The following EPM2A variants were observed in gnomAD, a reference collection of about 807,000 sequenced individuals.
The protein encoded by EPM2A is laforin.
In EPM2A, 21 loss-of-function variants were observed where a neutral mutation model predicts 26.5. The ratio of observed to expected loss-of-function variants is 0.79; its 90% confidence interval spans 0.56 to 1.14. The LOEUF (loss-of-function observed/expected upper bound fraction) is 1.14. EPM2A is among the 50% of genes most tolerant of loss of function. EPM2A has a pLI of 0.00. For missense variants in EPM2A, 458 were observed against 440.8 expected, an observed-to-expected ratio of 1.04 and a Z score of -0.35; for synonymous variants, 217 against 177.6, an observed-to-expected ratio of 1.22 and a Z score of -1.76.
At position 145,685,867 on chromosome 6, in the gene EPM2A, G is replaced by A. The variant is rs1780865341; in HGVS notation, c.476+255C>T. ...ATCCACTACATAAGTACACAGATTGGTTAGCTACTATCTGGTCAAAACATA... is the reference window on the plus strand; with the variant it reads ...ATCCACTACATAAGTACACAGATTGATTAGCTACTATCTGGTCAAAACATA... On this transcript the variant is annotated intron_variant, in intron 2 of 3. Transcript: ENST00000367519. 2.0e-5 allele frequency among the ~76,000 whole-genome samples: 3 copies of A among 152,060 alleles called. No individual in the cohort carries two copies. In the South Asian group the frequency reaches 6.2e-4, roughly 32 times the overall value.
intron 3 of EPM2A, chr6:145,629,134 A>T (rs910513854): frequency 6.6e-6 from 1 of 152,270 alleles, no homozygotes; most frequent in Non-Finnish European, 1.5e-5. Flanking sequence ...TGCTCCACAC[A>T]GCAGTTTAGA....
At chr6:145,643,939 T>C (rs942316089) in intron 2 of EPM2A, among the ~76,000 whole-genome samples, 7 of 152,158 alleles carry the variant, frequency 4.6e-5, no homozygotes, top group African/African-American at 1.7e-4. Context: ...CTGGAGATCA[T>C]GCTAAGATGT....
chr6:145,707,544 T>G (rs980557079), intron 1 of EPM2A, among the ~76,000 whole-genome samples: 2 of 152,134 alleles, frequency 1.3e-5, no homozygotes, highest in East Asian at 1.9e-4. Flanking sequence ...TTTTTCCCTG[T>G]GCTATTTTCG....
At chr6:145,688,231 A>G (rs1781057200) in intron 1 of EPM2A, among the ~76,000 whole-genome samples, 2 of 152,184 alleles carry the variant, frequency 1.3e-5, no homozygotes, top group Non-Finnish European at 2.9e-5. Context: ...TTCAAGAACA[A>G]TCAGATAGAA....
intron 2 of EPM2A, among the ~76,000 whole-genome samples, chr6:145,664,323 C>G (rs959810201): frequency 1.9e-5 from 2 of 104,842 alleles, no homozygotes; most frequent in Non-Finnish European, 3.9e-5. Context: ...GGAAGATCTA[C>G]CAAGCAAATG....
intron 4 of EPM2A, among the ~76,000 whole-genome samples, chr6:145,403,006 A>T (rs1778514159): frequency 1.3e-5 from 2 of 152,176 alleles, no homozygotes; most frequent in African/African-American, 4.8e-5. Context: ...AAACTTCTGT[A>T]ACTTTCCTCA....
rs181839020 is a variant in EPM2A at position 145,615,128 on chromosome 6, T to C, written c.340+20117A>G. ...CATGCAATTTTCAGCAAGCATGATA[T>C]GGTTTAGCTGTGTCCCCACCCAAAT... On this transcript the variant is annotated intron_variant, in intron 2 of 3. Coordinates refer to the EPM2A transcript ENST00000450221. Among the ~76,000 whole-genome samples the C allele has an allele frequency of 1.5e-4, 23 of 152,288 alleles. 1 individual carries two copies. The highest frequency in any genetic ancestry group is 1.5e-3 in the Admixed American group (23 of 15,296).
intron 2 of EPM2A, among the ~76,000 whole-genome samples, chr6:145,650,222 C>A (rs1777784153): frequency 1.3e-5 from 2 of 152,130 alleles, no homozygotes; most frequent in African/African-American, 4.8e-5. Flanking sequence ...TTTCTCCTCT[C>A]ATTTCCCCAA....
At chr6:145,571,772 T>C (rs1055465940) in intron 2 of EPM2A, among the ~76,000 whole-genome samples, 1 of 152,194 alleles carries the variant, frequency 6.6e-6, no homozygotes, top group Non-Finnish European at 1.5e-5. Flanking sequence ...CATGCCACCA[T>C]GGCCACTTTG....
intron 4 of EPM2A, chr6:145,490,071 G>A: frequency 7.7e-7 from 1 of 1,293,930 alleles, no homozygotes; most frequent in Non-Finnish European, 1.1e-6. Context: ...TGGACCTGAA[G>A]CAATGGTAGC....
intron 4 of EPM2A, among the ~76,000 whole-genome samples, chr6:145,437,890 A>C (rs9403700): frequency 2.0e-5 from 3 of 152,134 alleles, no homozygotes; most frequent in Non-Finnish European, 2.9e-5. Flanking sequence ...ATGGAATTTT[A>C]AGTAATTTTA....
At chr6:145,694,920 T>A (rs1781485741) in intron 1 of EPM2A, among the ~76,000 whole-genome samples, 1 of 151,966 alleles carries the variant, frequency 6.6e-6, no homozygotes, top group African/African-American at 2.4e-5. Flanking sequence ...ATTATTAAAG[T>A]GAGTTCTTTA....
chr6:145,685,163 C>A (rs1156565694), intron 2 of EPM2A, among the ~76,000 whole-genome samples: 1 of 151,982 alleles, frequency 6.6e-6, no homozygotes, highest in Non-Finnish European at 1.5e-5. Context: ...GTGTGAAAGA[C>A]ATTTATATTT....
intron 2 of EPM2A, among the ~76,000 whole-genome samples, chr6:145,511,126 T>C (rs1158584774): frequency 1.3e-5 from 2 of 151,898 alleles, no homozygotes; most frequent in East Asian, 3.9e-4. Flanking sequence ...GAAAAGGCCC[T>C]GGACCAAAAT....
At chr6:145,524,927 T>C (rs1010588860) in intron 2 of EPM2A, among the ~76,000 whole-genome samples, 4 of 152,184 alleles carry the variant, frequency 2.6e-5, no homozygotes, top group African/African-American at 9.7e-5. Context: ...ATTTAATTCA[T>C]GTTGAGTTAA....
chr6:145,424,768 G>A (rs181359107), intron 4 of EPM2A, among the ~76,000 whole-genome samples: 2 of 152,254 alleles, frequency 1.3e-5, no homozygotes, highest in African/African-American at 2.4e-5. Context: ...CTTCCACCAC[G>A]TGAGGATGCA....
chr6:145,585,555 C>T (rs1781184914), intron 2 of EPM2A, among the ~76,000 whole-genome samples: 1 of 152,102 alleles, frequency 6.6e-6, no homozygotes, highest in Non-Finnish European at 1.5e-5. Flanking sequence ...AGATGTCTAT[C>T]TAGGTTCTTA....
chr6:145,722,366 C>T (rs1353861684), intron 1 of EPM2A, among the ~76,000 whole-genome samples: 1 of 152,152 alleles, frequency 6.6e-6, no homozygotes, highest in Non-Finnish European at 1.5e-5. Context: ...TAAACAGAGT[C>T]TCTACTCACC....
intron 2 of EPM2A, among the ~76,000 whole-genome samples, chr6:145,571,813 G>A (rs550380898): frequency 6.6e-6 from 1 of 152,268 alleles, no homozygotes; most frequent in East Asian, 1.9e-4. Context: ...TGACAGGGGT[G>A]GCTGGAGAAA....
Sources: allele counts gnomAD v4.1 joint callset (sites outside exome capture counted in the v4.1 genomes callset), GRCh38; gene constraint gnomAD v4.1.1; transcripts MANE v1.5; gene names NCBI Gene and HGNC (gene_info 2026-07-23, HGNC 2026-07-21).